Variants in B4GALNT2 observed in about 807,000 individuals in gnomAD.
B4GALNT2 encodes N-acetylneuraminylgalactosylglucosyl-glucoside beta-1,4-N- acetylgalactosaminyltransferase 2.
Under a neutral mutation model 51.1 loss-of-function variants are expected in B4GALNT2, and 42 were observed. The observed-to-expected ratio is 0.82, with a 90% CI of 0.64 to 1.06. The LOEUF (loss-of-function observed/expected upper bound fraction) is 1.06, where lower values mean the gene tolerates loss of function less well. Ranked by LOEUF, B4GALNT2 falls within the 50% of genes least tolerant of loss-of-function variation. The pLI is 0.00. For missense variants in B4GALNT2, 602 were observed against 633.6 expected (o/e 0.95, Z 0.54); for synonymous variants, 253 against 251.7 (o/e 1.01, Z -0.05).
At chr17:49,140,987 G>A (rs1415579901) in intron 1 of B4GALNT2, among the ~76,000 whole-genome samples, 2 of 151,230 alleles carry the variant, frequency 1.3e-5, no homozygotes, top group African/African-American at 4.9e-5. Flanking sequence ...AAAATGCTGG[G>A]ATTACAGGTG....
At chr17:49,136,765 T>C (rs1396962422) in intron 1 of B4GALNT2, among the ~76,000 whole-genome samples, 3 of 152,106 alleles carry the variant, frequency 2.0e-5, no homozygotes, top group Non-Finnish European at 4.4e-5. Context: ...CAGGCTGGTC[T>C]CGAATTCCTG....
intron 10 of B4GALNT2, 126 bp from the exon 11 acceptor site, chr17:49,169,397 T>C: frequency 2.4e-6 from 2 of 844,360 alleles, no homozygotes; most frequent in Non-Finnish European, 3.8e-6. Flanking sequence ...TGGCTTCACG[T>C]GGGGCTGAAC....
intron 4 of B4GALNT2, 101 bp from the exon 5 acceptor site, chr17:49,156,465 G>A (rs1221509259): frequency 7.9e-7 from 1 of 1,260,586 alleles, no homozygotes; most frequent in African/African-American, 1.5e-5. Context: ...ACTTGAAGGA[G>A]CTCTCAAGGA....
rs1203074374 is a variant in B4GALNT2 at position 49,174,992 on chromosome 17, A to G, written c.*5264A>G. ...GTTGTAACAAATCTCTTTCCCATAA[A>G]TGTATAGGTACAGAAGTTATAATTG... On this transcript the variant is annotated 3_prime_UTR_variant, in exon 11 of 11. Coordinates refer to ENST00000393354, the MANE Select transcript of B4GALNT2 (RefSeq NM_001159387.2). 5 of 152,146 alleles carry G rather than the reference A, an allele frequency of 3.3e-5. No homozygotes were observed. Among genetic ancestry groups the G allele is most frequent in the Non-Finnish European group, 5.9e-5 (4 of 68,032 alleles). 9.4% of individuals were successfully genotyped at this position (152,146 alleles called of 1,614,324 possible). A position where few individuals can be genotyped will look rare whatever the true frequency, so the allele number is the denominator to read the frequency against.
At chr17:49,167,050 C>T (rs4334340) in intron 9 of B4GALNT2, among the ~76,000 whole-genome samples, 47,031 of 152,044 alleles carry the variant, frequency 0.31, 7,628 homozygotes, top group South Asian at 0.43. Flanking sequence ...TAAGTGGTGT[C>T]GTGATCACAG....
chr17:49,148,602 G>A (rs541416742), intron 3 of B4GALNT2: 54 of 485,116 alleles, frequency 1.1e-4, no homozygotes, highest in African/African-American at 6.9e-4. Context: ...GGTAAGGTAC[G>A]CGTAGAAATG....
chr17:49,167,608 C>CTTT (rs34497598), intron 9 of B4GALNT2, among the ~76,000 whole-genome samples: 34 of 115,054 alleles, frequency 3.0e-4, no homozygotes, highest in Middle Eastern at 5.2e-3. Flanking sequence ...CTCACCTACT[C>CTTT]TTTTTTTTTT....
At chr17:49,153,486 C>T (rs189111690) in intron 4 of B4GALNT2, among the ~76,000 whole-genome samples, 111 of 150,160 alleles carry the variant, frequency 7.4e-4, no homozygotes, top group African/African-American at 2.6e-3. Flanking sequence ...GTACTCAGCA[C>T]AAGGCAAGAA....
chr17:49,148,040 T>C (rs2042713196), intron 3 of B4GALNT2, among the ~76,000 whole-genome samples: 1 of 151,990 alleles, frequency 6.6e-6, no homozygotes, highest in Non-Finnish European at 1.5e-5. Context: ...GTGTGGTGGC[T>C]CATGCCAGTA....
In B4GALNT2 at chr17:49,172,511, A is replaced by G. The variant is rs1470675032; in HGVS notation, c.*2783A>G. ...AAGCAGGCTCAAAAAATTTAAAGTC[A>G]ATAATGCTAGAATCAATTGCATATG... On this transcript the variant is annotated 3_prime_UTR_variant, in exon 11 of 11. Transcript: ENST00000393354. 6.5e-6 allele frequency: 1 copy of G among 153,606 alleles called. No individual in the cohort carries two copies. The highest frequency in any genetic ancestry group is 6.5e-5 in the Admixed American group (1 of 15,286). The allele number at this position is 153,606 out of a possible 1,614,324, so 9.5% of individuals were successfully genotyped here. A position where few individuals can be genotyped will look rare whatever the true frequency, so the allele number is the denominator to read the frequency against.
At chr17:49,138,919 A>G (rs1272883726) in intron 1 of B4GALNT2, among the ~76,000 whole-genome samples, 1 of 152,168 alleles carries the variant, frequency 6.6e-6, no homozygotes, top group Non-Finnish European at 1.5e-5. Flanking sequence ...AACAAAAAAT[A>G]AAACTTCTCT....
intron 1 of B4GALNT2, among the ~76,000 whole-genome samples, chr17:49,135,712 C>T (rs2042583853): frequency 6.6e-6 from 1 of 152,046 alleles, no homozygotes; most frequent in Admixed American, 6.6e-5. Flanking sequence ...AGGAGGATTA[C>T]CTGAGCCCAG....
intron 1 of B4GALNT2, among the ~76,000 whole-genome samples, chr17:49,135,806 G>A (rs139689691): frequency 0.011 from 1,664 of 151,462 alleles, 36 homozygotes; most frequent in African/African-American, 0.038. Context: ...GCTCACGCCT[G>A]TAATCCCAGC....
chr17:49,126,387 A>G, the B4GALNT2 span, among the ~76,000 whole-genome samples: 29 of 151,912 alleles, frequency 1.9e-4, no homozygotes, highest in Non-Finnish European at 4.0e-4. Context: ...TGCTCTGCCT[A>G]GGAAAACCAG....
At chr17:49,159,324 G>C in intron 6 of B4GALNT2, 107 bp downstream of exon 6, 1 of 1,235,138 alleles carries the variant, frequency 8.1e-7, no homozygotes, top group Non-Finnish European at 1.1e-6. Flanking sequence ...TTTGTGTTTT[G>C]TGTGTGTTTG....
Position 49,141,361 on chromosome 17 carries a change from A to G in B4GALNT2, c.129A>G (p.Glu43=). ...LQAVFSSPKP[E]LPSPAPGVQK... ...CAGTGTTCAGCAGCCCCAAGCCAGA[A>G]CTCCCAAGTCCTGCCCCGGGTGTCC... The change falls in exon 2 of 11, where the codon GAA becomes GAG. Residue 43 remains glutamate, a synonymous_variant. Transcript: ENST00000393354. The G allele has an allele frequency of 6.2e-7, 1 of 1,614,024 alleles. No individual in the cohort carries two copies. Among genetic ancestry groups the G allele is most frequent in the Non-Finnish European group, 8.5e-7 (1 of 1,180,002 alleles).
intron 3 of B4GALNT2, among the ~76,000 whole-genome samples, chr17:49,143,255 A>T (rs982099657): frequency 2.0e-5 from 3 of 151,614 alleles, no homozygotes; most frequent in Non-Finnish European, 4.4e-5. Context: ...TCTCAAAAAA[A>T]AGAAAAGAGA....
intron 7 of B4GALNT2, 105 bp from the exon 8 acceptor site, chr17:49,163,983 A>G: frequency 8.8e-7 from 1 of 1,131,634 alleles, no homozygotes; most frequent in East Asian, 2.4e-5. Context: ...TGAGACCCAC[A>G]GACACTGACA....
chr17:49,147,982 A>G (rs990809897), intron 3 of B4GALNT2, among the ~76,000 whole-genome samples: 2 of 143,042 alleles, frequency 1.4e-5, no homozygotes, highest in African/African-American at 5.1e-5. Flanking sequence ...ATATATATAT[A>G]TATTTCAGAT....
Sources: allele counts gnomAD v4.1 joint callset (sites outside exome capture counted in the v4.1 genomes callset), GRCh38; gene constraint gnomAD v4.1.1; transcripts MANE v1.5; gene names NCBI Gene and HGNC (gene_info 2026-07-23, HGNC 2026-07-21).